PRKCB: variants seen among roughly 807,000 people sequenced by gnomAD.
PRKCB encodes protein kinase C beta.
In PRKCB, 13 loss-of-function variants were observed where a neutral mutation model predicts 81.5. The ratio of observed to expected loss-of-function variants is 0.16; its 90% CI spans 0.10 to 0.25. The LOEUF (loss-of-function observed/expected upper bound fraction) is 0.25. Among genes scored for constraint, PRKCB ranks in the 10% least tolerant of loss-of-function variants. PRKCB has a pLI of 1.00. For missense variants in PRKCB, 509 were observed against 875.7 expected, an observed-to-expected ratio of 0.58 and a Z score of 5.29; for synonymous variants, 335 against 321.4, an observed-to-expected ratio of 1.04 and a Z score of -0.45.
chr16:24,125,535 T>C (rs897836332), intron 9 of PRKCB, among the ~76,000 whole-genome samples: 1 of 152,208 alleles, frequency 6.6e-6, no homozygotes, highest in African/African-American at 2.4e-5. Context: ...CTTCCCCAAC[T>C]ACCCACTGAA....
intron 2 of PRKCB, among the ~76,000 whole-genome samples, chr16:23,859,762 G>A (rs1452782596): frequency 6.6e-6 from 1 of 152,010 alleles, no homozygotes; most frequent in Non-Finnish European, 1.5e-5. Context: ...TAGAAAATTT[G>A]GAGGAGGCAG....
chr16:23,963,683 G>A (rs1964453264), intron 2 of PRKCB: 1 of 152,212 alleles, frequency 6.6e-6, no homozygotes, highest in African/African-American at 2.4e-5. Context: ...TTGTTTGCTT[G>A]TGTGATGTAA....
chr16:23,910,431 G>A (rs558014445), intron 2 of PRKCB, among the ~76,000 whole-genome samples: 12 of 152,014 alleles, frequency 7.9e-5, no homozygotes, highest in Non-Finnish European at 1.0e-4. Context: ...CCTTCTGATC[G>A]GGCTGAGGAG....
intron 5 of PRKCB, among the ~76,000 whole-genome samples, chr16:24,038,468 G>A (rs1336598876): frequency 6.6e-6 from 1 of 152,262 alleles, no homozygotes; most frequent in African/African-American, 2.4e-5. Context: ...TCATGGAAGG[G>A]AAAACGAAGT....
chr16:24,095,090 T>C (rs1966424198), intron 7 of PRKCB, among the ~76,000 whole-genome samples: 1 of 152,144 alleles, frequency 6.6e-6, no homozygotes, highest in African/African-American at 2.4e-5. Flanking sequence ...CACTCCCTAT[T>C]TTATTACATC....
chr16:24,167,557 C>T (rs1205723833), intron 10 of PRKCB, among the ~76,000 whole-genome samples: 2 of 150,848 alleles, frequency 1.3e-5, no homozygotes, highest in East Asian at 3.9e-4. Context: ...GAGACCCTGC[C>T]ACAGAAAAAA....
chr16:24,130,277 G>T (rs541637644), intron 9 of PRKCB, among the ~76,000 whole-genome samples: 2 of 152,256 alleles, frequency 1.3e-5, no homozygotes, highest in African/African-American at 2.4e-5. Context: ...AATCACACAG[G>T]CATGAAAGCA....
At chr16:23,916,551 G>A (rs1963743431) in intron 2 of PRKCB, among the ~76,000 whole-genome samples, 1 of 152,076 alleles carries the variant, frequency 6.6e-6, no homozygotes, top group Non-Finnish European at 1.5e-5. Flanking sequence ...AGGCCACTCT[G>A]TTCACCTCCT....
chr16:23,906,229 A>G (rs898149828), intron 2 of PRKCB, among the ~76,000 whole-genome samples: 3 of 152,158 alleles, frequency 2.0e-5, no homozygotes, highest in Admixed American at 6.5e-5. Flanking sequence ...CATTTTGCCA[A>G]TCTGATCAGT....
At chr16:24,052,074 C>CAAA (rs71154271) in intron 5 of PRKCB, among the ~76,000 whole-genome samples, 9 of 91,218 alleles carry the variant, frequency 9.9e-5, no homozygotes, top group African/African-American at 3.2e-4. Context: ...GACTCCGTCT[C>CAAA]AAAAAAAAAA....
chr16:23,940,069 C>T lies in PRKCB; in HGVS notation c.206-48439C>T, dbSNP rs185562369. ...AACAGACATTTCACCAAAGAGGGAA[C>T]ACAGATGACAAATAAACACATGAAA... On this transcript the variant is annotated intron_variant, in intron 2 of 16. Coordinates refer to ENST00000643927, the MANE Select transcript of PRKCB (RefSeq NM_002738.7). 3.3e-5 allele frequency among the ~76,000 whole-genome samples: 5 copies of T among 152,216 alleles called. No homozygotes were observed. In the South Asian group the frequency reaches 1.0e-3, roughly 32 times the overall value.
At chr16:23,853,411 C>G (rs1962506942) in intron 2 of PRKCB, among the ~76,000 whole-genome samples, 1 of 152,180 alleles carries the variant, frequency 6.6e-6, no homozygotes, top group South Asian at 2.1e-4. Flanking sequence ...ACAACTTCAG[C>G]TGGGGAAGGA....
chr16:23,908,068 C>T (rs112771212), intron 2 of PRKCB, among the ~76,000 whole-genome samples: 164 of 151,946 alleles, frequency 1.1e-3, no homozygotes, highest in African/African-American at 3.7e-3. Flanking sequence ...TCCATCTAGA[C>T]GAGGGAGGTG....
In PRKCB at chr16:24,219,713, G is replaced by A. The variant is rs1369970690; in HGVS notation, c.*4897G>A. 3 of 1,261,886 alleles carry A rather than the reference G, an allele frequency of 2.4e-6. No homozygotes were observed. The highest frequency in any genetic ancestry group is 3.0e-6 in the Non-Finnish European group (3 of 997,980). The allele number at this position is 1,261,886 out of a possible 1,614,324, so 78.2% of individuals were successfully genotyped here. A position where few individuals can be genotyped will look rare whatever the true frequency, so the allele number is the denominator to read the frequency against. On this transcript the variant is annotated 3_prime_UTR_variant, in exon 17 of 17. Coordinates refer to ENST00000643927, the MANE Select transcript of PRKCB (RefSeq NM_002738.7). ...ACACACACACACACACCACTTTATG[G>A]CAATTCTTAACTGACATTCAATGAC...
chr16:24,188,316 G>A (rs1368562814), intron 15 of PRKCB, among the ~76,000 whole-genome samples: 4 of 152,156 alleles, frequency 2.6e-5, no homozygotes, highest in Admixed American at 2.0e-4. Context: ...TGCTTCCTCT[G>A]GAACAGCGAG....
At chr16:23,964,643 T>G (rs2141794739) in intron 2 of PRKCB, among the ~76,000 whole-genome samples, 1 of 152,082 alleles carries the variant, frequency 6.6e-6, no homozygotes, top group African/African-American at 2.4e-5. Context: ...AATTCTGTAC[T>G]GTCACTTCCA....
intron 5 of PRKCB, among the ~76,000 whole-genome samples, chr16:24,057,202 G>C (rs1965913432): frequency 6.6e-6 from 1 of 152,198 alleles, no homozygotes; most frequent in African/African-American, 2.4e-5. Context: ...TTTGGGAATG[G>C]GAAGGGCCAA....
chr16:23,873,524 T>C (rs527773278), intron 2 of PRKCB, among the ~76,000 whole-genome samples: 23 of 152,366 alleles, frequency 1.5e-4, no homozygotes, highest in Admixed American at 1.2e-3. Context: ...CCTTTTTCTG[T>C]TGATGGTCTT....
chr16:24,129,641 A>G (rs578050634), intron 9 of PRKCB, among the ~76,000 whole-genome samples: 6 of 152,002 alleles, frequency 3.9e-5, no homozygotes, highest in African/African-American at 1.4e-4. Flanking sequence ...TATATCTATC[A>G]TCTGTTTATC....
Sources: gnomAD v4.1 joint callset for allele counts (sites outside exome capture counted in the v4.1 genomes callset) on GRCh38, gnomAD v4.1.1 for gene constraint, MANE v1.5 for transcripts, NCBI Gene and HGNC (gene_info 2026-07-23, HGNC 2026-07-21) for gene names.